The following TKT variants were observed in gnomAD, a reference collection of about 807,000 sequenced individuals.
TKT encodes the protein transketolase.
Under a neutral mutation model 63.9 loss-of-function variants are expected in TKT, and 47 were observed. That is an observed-to-expected ratio of 0.74 (90% CI 0.58 to 0.94). TKT has a LOEUF of 0.94. Ranked by LOEUF, TKT falls within the 40% of genes least tolerant of loss-of-function variation. TKT has a pLI of 0.00. For missense variants in TKT, 721 were observed against 846.2 expected, an observed-to-expected ratio of 0.85 and a Z score of 1.84; for synonymous variants, 338 against 334.1, an observed-to-expected ratio of 1.01 and a Z score of -0.13.
chr3:53,232,337 G>T, intron 6 of TKT: 1 of 399,116 alleles, frequency 2.5e-6, no homozygotes, highest in East Asian at 3.6e-5. Context: ...CCCCCTCCCA[G>T]ACACCTCCCA....
At chr3:53,226,590 C>A (rs1278476039) in intron 13 of TKT, 166 bp downstream of exon 13, 1 of 953,890 alleles carries the variant, frequency 1.0e-6, no homozygotes, top group African/African-American at 1.7e-5. Flanking sequence ...GTCCCCAGGC[C>A]AAGCCTGAGG....
rs541839147 is a variant in TKT, at chr3:53,229,178, A to AC, written c.1265-42dup. ...AAGGATATGCAGAAATAAGACCCCT[A>AC]CCCCCCCATCCATGGGCTGGAATCC... On this transcript the variant is annotated intron_variant, in intron 9 of 13. Coordinates refer to ENST00000462138, the MANE Select transcript of TKT (RefSeq NM_001064.4). 5.3e-4 allele frequency: 860 copies of AC among 1,611,356 alleles called. 10 individuals are homozygous for AC. The South Asian group carries it at 8.6e-3, about 16-fold the overall frequency.
At chr3:53,249,947 T>A (rs528831172) in intron 1 of TKT, among the ~76,000 whole-genome samples, 3 of 152,080 alleles carry the variant, frequency 2.0e-5, no homozygotes, top group Non-Finnish European at 4.4e-5. Flanking sequence ...CAAGAGACAA[T>A]GAATGTTGAG....
intron 13 of TKT, 194 bp from the exon 14 acceptor site, chr3:53,226,125 C>A (rs1031240471): frequency 2.0e-6 from 1 of 512,078 alleles, no homozygotes; most frequent in Non-Finnish European, 3.3e-6. Flanking sequence ...CACCATGTTG[C>A]CCAGGCTGGT....
intron 1 of TKT, among the ~76,000 whole-genome samples, chr3:53,250,695 C>A (rs554588342): frequency 6.6e-6 from 1 of 152,144 alleles, no homozygotes; most frequent in Non-Finnish European, 1.5e-5. Flanking sequence ...TCATTTGAGC[C>A]CAGGAGGCGG....
chr3:53,237,451 T>C (rs1169284331), intron 4 of TKT, among the ~76,000 whole-genome samples: 4 of 149,440 alleles, frequency 2.7e-5, no homozygotes, highest in Admixed American at 6.7e-5. Flanking sequence ...AAAAAGCTCA[T>C]GATAGAAGGC....
At chr3:53,244,851 T>C (rs1339853334) in intron 1 of TKT, among the ~76,000 whole-genome samples, 2 of 143,080 alleles carry the variant, frequency 1.4e-5, no homozygotes, top group African/African-American at 5.3e-5. Context: ...CCTGACTCTG[T>C]GATAAACAGG....
chr3:53,235,042 A>T lies in TKT; in HGVS notation c.570T>A (p.Ser190Arg). ...AILDINRLGQ[S>R]DPAPLQHQMD... ...TCTGGTGCTGCAGTGGGGCCGGGTCACTCTGGCCCAGGCGATTGATGTCTA... is the reference window on the plus strand; with the variant it reads ...TCTGGTGCTGCAGTGGGGCCGGGTCTCTCTGGCCCAGGCGATTGATGTCTA... Residue 190 changes from serine (S) to arginine (R), a missense_variant, in exon 5 of 14, where the codon AGT (serine) becomes AGA (arginine). Transcript: ENST00000462138. The T allele has an allele frequency of 6.2e-7, 1 of 1,613,826 alleles. No homozygotes were observed. Among genetic ancestry groups the T allele is most frequent in the Non-Finnish European group, 8.5e-7 (1 of 1,179,982 alleles).
intron 12 of TKT, chr3:53,227,817 C>A: frequency 2.2e-6 from 1 of 447,152 alleles, no homozygotes; most frequent in East Asian, 4.4e-5. Flanking sequence ...GGGGGGGTCT[C>A]GACTTTAGAG....
chr3:53,252,387 C>CTCT (rs1339663765), intron 1 of TKT, among the ~76,000 whole-genome samples: 19 of 152,242 alleles, frequency 1.2e-4, no homozygotes, highest in African/African-American at 4.6e-4. Context: ...CACACACATA[C>CTCT]TCTTGGCTCA....
chr3:53,235,401 CAGGA>C lies in TKT; in HGVS notation c.438-231_438-228del, dbSNP rs2106686162. ...GGCATGAAGGAAGACGTCAGGAGCT[CAGGA>C]AGAAGTACTGGTTGTTAAGAAACAG... On this transcript the variant is annotated intron_variant, in intron 4 of 13. Coordinates refer to ENST00000462138, the MANE Select transcript of TKT (RefSeq NM_001064.4). The C allele has an allele frequency of 8.8e-6, 4 of 453,390 alleles. 1 individual carries two copies. The South Asian group carries it at 1.7e-4, about 20-fold the overall frequency. The allele number at this position is 453,390 out of a possible 1,614,324, so 28.1% of individuals were successfully genotyped here.
chr3:53,243,901 C>T lies in TKT; in HGVS notation c.108-1659G>A, dbSNP rs147211880. ...GGGTGGACACTGGGCCAAACTGTTC[C>T]GGGGAAGAACAAGGACGGTAAGTGC... On this transcript the variant is annotated intron_variant, in intron 1 of 13. Transcript: ENST00000462138. Among the ~76,000 whole-genome samples the T allele has an allele frequency of 1.8e-3, 276 of 152,302 alleles. 1 individual carries two copies. Among genetic ancestry groups the T allele is most frequent in the Non-Finnish European group, 3.2e-3 (216 of 68,020 alleles).
chr3:53,228,303 ATTG>A lies in TKT; in HGVS notation c.1449_1451del (p.Asn484del). The A allele has an allele frequency of 1.2e-6, 2 of 1,614,146 alleles. No individual in the cohort carries two copies. Among genetic ancestry groups the A allele is most frequent in the Non-Finnish European group, 1.7e-6 (2 of 1,180,018 alleles). On this transcript the variant is annotated inframe_deletion, in exon 11 of 14. Transcript: ENST00000462138. ...TGGCTTGTCCGACCTGGAAGTCCTCATTGTTGTTATAGATGATGGCATTTTCTG... is the reference window on the plus strand; with the variant it reads ...TGGCTTGTCCGACCTGGAAGTCCTCATTGTTATAGATGATGGCATTTTCTG...
intron 13 of TKT, chr3:53,226,137 T>C: frequency 2.1e-6 from 1 of 479,798 alleles, no homozygotes; most frequent in Non-Finnish European, 3.6e-6. Context: ...CAGGCTGGTC[T>C]CCCAACTCCT....
chr3:53,236,183 C>A (rs553865604), intron 4 of TKT, among the ~76,000 whole-genome samples: 1 of 152,336 alleles, frequency 6.6e-6, no homozygotes, highest in East Asian at 1.9e-4. Flanking sequence ...GAGGCTGGTG[C>A]CTGGTTGGGC....
At chr3:53,248,422 T>G (rs1414241320) in intron 1 of TKT, among the ~76,000 whole-genome samples, 1 of 152,212 alleles carries the variant, frequency 6.6e-6, no homozygotes, top group Non-Finnish European at 1.5e-5. Context: ...GGAAGAGGAC[T>G]TGAGCCCAGA....
chr3:53,227,094 T>G (rs898192051), intron 12 of TKT: 49 of 563,300 alleles, frequency 8.7e-5, no homozygotes, highest in African/African-American at 8.7e-4. Flanking sequence ...CCAGCTGTGT[T>G]GCCCGCAGTA....
intron 3 of TKT, 60 bp from the exon 4 acceptor site, chr3:53,240,408 C>T: frequency 6.6e-7 from 1 of 1,522,260 alleles, no homozygotes; most frequent in South Asian, 1.2e-5. Context: ...TCTCACCCGC[C>T]TAGGGAGCCA....
intron 1 of TKT, among the ~76,000 whole-genome samples, chr3:53,248,427 C>G (rs1553681233): frequency 6.6e-6 from 1 of 152,140 alleles, no homozygotes; most frequent in African/African-American, 2.4e-5. Context: ...AGGACTTGAG[C>G]CCAGAATTTG....
Sources: gnomAD v4.1 joint callset for allele counts (sites outside exome capture counted in the v4.1 genomes callset) on GRCh38, gnomAD v4.1.1 for gene constraint, MANE v1.5 for transcripts, NCBI Gene and HGNC (gene_info 2026-07-23, HGNC 2026-07-21) for gene names.